Variants in CRTC3 observed in about 807,000 individuals in gnomAD.
CRTC3 encodes the protein CREB-regulated transcription coactivator 3.
A neutral mutation model predicts 74.5 loss-of-function variants in CRTC3; 26 were observed. That is an observed-to-expected ratio of 0.35 (90% CI 0.26 to 0.48). CRTC3 has a LOEUF of 0.48. Ranked by LOEUF, CRTC3 falls within the 20% of genes least tolerant of loss-of-function variation. CRTC3 has a pLI of 0.99. For synonymous variants in CRTC3, 377 were observed against 325.8 expected, an observed-to-expected ratio of 1.16 and a Z score of -1.69; for missense variants, 760 against 787.3, an observed-to-expected ratio of 0.97 and a Z score of 0.41.
intron 3 of CRTC3, among the ~76,000 whole-genome samples, chr15:90,599,774 T>A (rs1968020259): frequency 6.6e-6 from 1 of 152,228 alleles, no homozygotes; most frequent in South Asian, 2.1e-4. Context: ...ATTACGTGAC[T>A]ATTACACCAC....
In CRTC3 at chr15:90,644,107, G is replaced by T; in HGVS notation, c.*1967G>T. On this transcript the variant is annotated 3_prime_UTR_variant, in exon 15 of 15. Coordinates refer to ENST00000268184, the MANE Select transcript of CRTC3 (RefSeq NM_022769.5). ...TGCCCCAAATCTTTGCTGTGGAATTGGGAAATCAAACCAGAGTCCTCCTCG... is the reference window on the plus strand; with the variant it reads ...TGCCCCAAATCTTTGCTGTGGAATTTGGAAATCAAACCAGAGTCCTCCTCG... 4.4e-6 allele frequency: 1 copy of T among 229,816 alleles called. No individual in the cohort carries two copies. Among genetic ancestry groups the T allele is most frequent in the Non-Finnish European group, 8.6e-6 (1 of 115,860 alleles). 14.2% of individuals were successfully genotyped at this position (229,816 alleles called of 1,614,324 possible).
chr15:90,544,219 T>TA (rs1463271998), intron 2 of CRTC3, among the ~76,000 whole-genome samples: 1 of 152,220 alleles, frequency 6.6e-6, no homozygotes, highest in African/African-American at 2.4e-5. Flanking sequence ...CTGCATCACT[T>TA]ACTCTCTGCC....
intron 2 of CRTC3, among the ~76,000 whole-genome samples, chr15:90,552,390 C>T (rs1055343737): frequency 1.3e-5 from 2 of 152,218 alleles, no homozygotes; most frequent in Non-Finnish European, 2.9e-5. Context: ...CCACAGAGAT[C>T]TCAAAGTAGC....
chr15:90,634,285 G>A lies in CRTC3; in HGVS notation c.1267-4161G>A, dbSNP rs570762511. On this transcript the variant is annotated intron_variant, in intron 11 of 14. Coordinates refer to ENST00000268184, the MANE Select transcript of CRTC3 (RefSeq NM_022769.5). Reference sequence around the variant, plus strand: ...ACACCACCACACCTGGCTAATTTTTGTAATTTTTAGTAGAGACGGGATTTC... The same window carrying A: ...ACACCACCACACCTGGCTAATTTTTATAATTTTTAGTAGAGACGGGATTTC... Among the ~76,000 whole-genome samples the A allele has an allele frequency of 3.0e-4, 45 of 151,876 alleles. 1 individual carries two copies. Among genetic ancestry groups the A allele is most frequent in the Non-Finnish European group, 5.9e-4 (40 of 67,974 alleles).
intron 2 of CRTC3, among the ~76,000 whole-genome samples, chr15:90,552,974 C>T (rs113642170): frequency 0.038 from 5,769 of 152,252 alleles, 168 homozygotes; most frequent in Non-Finnish European, 0.056. Context: ...ACAGCATGCT[C>T]TCTGCCAGCC....
intron 11 of CRTC3, among the ~76,000 whole-genome samples, chr15:90,630,130 A>C (rs1488598765): frequency 6.6e-6 from 1 of 152,208 alleles, no homozygotes; most frequent in Non-Finnish European, 1.5e-5. Context: ...TGGGGTTGAG[A>C]GGAACGGTAG....
chr15:90,605,123 G>A (rs568379741), intron 5 of CRTC3, among the ~76,000 whole-genome samples: 5 of 151,848 alleles, frequency 3.3e-5, no homozygotes, highest in South Asian at 4.2e-4. Flanking sequence ...GTGGTGGCAC[G>A]TGCCTGTGGT....
rs1245663705 is a variant in CRTC3, at chr15:90,642,076, G to C, written c.1796G>C (p.Ser599Thr). 2.5e-6 allele frequency: 4 copies of C among 1,613,970 alleles called. No individual in the cohort carries two copies. The highest frequency in any genetic ancestry group is 3.4e-6 in the Non-Finnish European group (4 of 1,180,038). The change falls in exon 15 of 15, where the codon AGT (serine) becomes ACT (threonine). Residue 599 changes from serine (S) to threonine (T), a missense_variant. Physicochemically the swap from Ser to Thr is moderately conservative, Grantham distance 58 (BLOSUM62 1). Around this residue, in one of 2 missense-constraint regions of CRTC3, gnomAD observed 652 missense variants for 635.2 expected, o/e 1.03. Transcript: ENST00000268184. ...AGCCTGGACGGACTCAACATGTTAA[G>C]TGACTCCAGCATGGGCCTGCTGGAC... ...PLSLDGLNML[S>T]DSSMGLLDPS... is the part of the protein sequence containing the mutation.
chr15:90,590,604 C>A (rs970357917), intron 2 of CRTC3, among the ~76,000 whole-genome samples: 2 of 152,154 alleles, frequency 1.3e-5, no homozygotes, highest in African/African-American at 4.8e-5. Context: ...AGACGATCCA[C>A]CTGCCTCGGC....
At position 90,641,871 on chromosome 15, in the gene CRTC3, G is replaced by A. The variant is rs145771008; in HGVS notation, c.1652-61G>A. On this transcript the variant is annotated intron_variant, in intron 14 of 14. Coordinates refer to ENST00000268184, the MANE Select transcript of CRTC3 (RefSeq NM_022769.5). ...GACTGTCATCAGCTGGGTTTGCTTA[G>A]TAGCCTGGAGCCTTCGCGCCTCCTA... 8.2e-6 allele frequency: 12 copies of A among 1,471,666 alleles called. No individual in the cohort carries two copies. In the Middle Eastern group the frequency reaches 7.2e-4, roughly 88 times the overall value. 91.2% of individuals were successfully genotyped at this position (1,471,666 alleles called of 1,614,324 possible).
chr15:90,603,696 A>T (rs1347366933), intron 4 of CRTC3, among the ~76,000 whole-genome samples: 3 of 152,182 alleles, frequency 2.0e-5, no homozygotes, highest in African/African-American at 4.8e-5. Context: ...AAATGTGTGT[A>T]TCAAAAATAT....
intron 2 of CRTC3, among the ~76,000 whole-genome samples, chr15:90,573,804 G>A (rs1000667192): frequency 1.3e-5 from 2 of 152,202 alleles, no homozygotes; most frequent in Non-Finnish European, 2.9e-5. Flanking sequence ...AAAAAGTGCA[G>A]TGAACAGTAT....
At chr15:90,569,746 A>G (rs1967217618) in intron 2 of CRTC3, among the ~76,000 whole-genome samples, 1 of 151,724 alleles carries the variant, frequency 6.6e-6, no homozygotes, top group Admixed American at 6.6e-5. Context: ...ATGCCTGGCT[A>G]ATTTTTTATT....
chr15:90,607,310 A>C lies in CRTC3; in HGVS notation c.477-68A>C, dbSNP rs905746884. The C allele has an allele frequency of 7.6e-5, 69 of 904,120 alleles. 1 individual carries two copies. In the South Asian group the frequency reaches 9.8e-4, roughly 13 times the overall value. 56.0% of individuals were successfully genotyped at this position (904,120 alleles called of 1,614,324 possible). A position where few individuals can be genotyped will look rare whatever the true frequency, so the allele number is the denominator to read the frequency against. On this transcript the variant is annotated intron_variant, in intron 5 of 14. Coordinates refer to ENST00000268184, the MANE Select transcript of CRTC3 (RefSeq NM_022769.5). ...GCCTTCTTTCCTGTTGGTAATATTC[A>C]ACAAAGACTATTGCATTTTCACTAA...
intron 7 of CRTC3, among the ~76,000 whole-genome samples, chr15:90,615,497 A>G (rs1177778498): frequency 6.6e-6 from 1 of 152,266 alleles, no homozygotes; most frequent in African/African-American, 2.4e-5. Flanking sequence ...ATCATCCTGC[A>G]GCTCCTTTTC....
chr15:90,617,848 A>G (rs368247464), intron 7 of CRTC3, 35 bp from the exon 8 acceptor site: 19 of 1,454,276 alleles, frequency 1.3e-5, no homozygotes, highest in Non-Finnish European at 1.7e-5. Context: ...CTGCCTTCTC[A>G]TGCAATGACT....
chr15:90,632,327 TTGTTCTGAC>T (rs2151094452), intron 11 of CRTC3, among the ~76,000 whole-genome samples: 1 of 152,214 alleles, frequency 6.6e-6, no homozygotes, highest in Admixed American at 6.5e-5. Flanking sequence ...CTGGACACAG[TTGTTCTGAC>T]TGTAATCCCA....
At position 90,643,346 on chromosome 15, in the gene CRTC3, C is replaced by T. The variant is rs1218536805; in HGVS notation, c.*1206C>T. ...ATGGTGAAGCATGCACTTTAATATG[C>T]TTTTAACACTAGGTGACCAAATCAC... On this transcript the variant is annotated 3_prime_UTR_variant, in exon 15 of 15. Transcript: ENST00000268184. The T allele has an allele frequency of 4.4e-6, 1 of 229,658 alleles. No individual in the cohort carries two copies. Among genetic ancestry groups the T allele is most frequent in the Admixed American group, 5.7e-5 (1 of 17,674 alleles). 14.2% of individuals were successfully genotyped at this position (229,658 alleles called of 1,614,324 possible). A position where few individuals can be genotyped will look rare whatever the true frequency, so the allele number is the denominator to read the frequency against.
Position 90,625,895 on chromosome 15 carries a change from T to G in CRTC3, c.869T>G (p.Leu290Arg). The G allele has an allele frequency of 6.2e-7, 1 of 1,614,204 alleles. No homozygotes were observed. The change falls in exon 10 of 15, where the codon CTG becomes CGG. Residue 290 changes from leucine (L) to arginine (R), a missense_variant. Leu to Arg is a moderately radical substitution (Grantham distance 102). Transcript: ENST00000268184. ...TACTCGACACCCCTGCCAGCCTCCC[T>G]GGACACCACCGACCACCACTTTGGC... ...LHYSTPLPAS[L>R]DTTDHHFGSM...
Sources: gnomAD v4.1 joint callset for allele counts (sites outside exome capture counted in the v4.1 genomes callset) on GRCh38, gnomAD v4.1.1 for gene constraint, gnomAD v4.1.1 regional missense constraint, MANE v1.5 for transcripts, NCBI Gene and HGNC (gene_info 2026-07-23, HGNC 2026-07-21) for gene names.